Variants in STYXL1 observed in about 807,000 individuals in gnomAD.
STYXL1 encodes serine/threonine/tyrosine-interacting-like protein 1.
STYXL1 carries 32 observed loss-of-function variants against 36.4 expected under a neutral mutation model. That is an observed-to-expected ratio of 0.88 (90% CI 0.66 to 1.18). STYXL1 has a LOEUF of 1.18. Ranked by LOEUF, STYXL1 falls within the 50% of genes most tolerant of loss-of-function variation. The pLI is 0.00. For synonymous variants in STYXL1, 133 were observed against 144.1 expected, an observed-to-expected ratio of 0.92 and a Z score of 0.55; for missense variants, 354 against 394.1, an observed-to-expected ratio of 0.90 and a Z score of 0.86.
At chr7:76,012,056 T>C (rs1792623679) in intron 5 of STYXL1, among the ~76,000 whole-genome samples, 1 of 152,188 alleles carries the variant, frequency 6.6e-6, no homozygotes, top group Middle Eastern at 3.2e-3. Context: ...TCCCAGCACT[T>C]TGGGAGGCTG....
At chr7:76,004,311 C>T (rs1554569377) in intron 6 of STYXL1, among the ~76,000 whole-genome samples, 1 of 152,118 alleles carries the variant, frequency 6.6e-6, no homozygotes, top group Non-Finnish European at 1.5e-5. Flanking sequence ...CCAGGCTGGT[C>T]ATCAAACTCC....
intron 5 of STYXL1, among the ~76,000 whole-genome samples, chr7:76,012,578 G>T (rs1207098254): frequency 6.6e-6 from 1 of 152,094 alleles, no homozygotes; most frequent in African/African-American, 2.4e-5. Flanking sequence ...TGTATTTTTG[G>T]TAGTCAGGGT....
At chr7:76,043,147 G>C (rs1193151651) in intron 1 of STYXL1, among the ~76,000 whole-genome samples, 1 of 152,100 alleles carries the variant, frequency 6.6e-6, no homozygotes, top group East Asian at 1.9e-4. Context: ...TATTTTATTA[G>C]TATTGCTTTT....
intron 7 of STYXL1, among the ~76,000 whole-genome samples, chr7:76,002,549 C>T (rs957475107): frequency 6.6e-6 from 1 of 152,188 alleles, no homozygotes; most frequent in Non-Finnish European, 1.5e-5. Flanking sequence ...CCACAAGGCT[C>T]TGCCATCTCG....
At chr7:76,042,390 C>CTTTTTTGTTTTTTTT (rs1796555084) in intron 1 of STYXL1, among the ~76,000 whole-genome samples, 1 of 41,816 alleles carries the variant, frequency 2.4e-5, no homozygotes, top group Non-Finnish European at 5.3e-5. Flanking sequence ...CCCTTATGTG[C>CTTTTTTGTTTTTTTT]TTTTTTTTTT....
chr7:75,997,473 G>A (rs1183565140), intron 8 of STYXL1, among the ~76,000 whole-genome samples: 3 of 152,064 alleles, frequency 2.0e-5, no homozygotes, highest in Non-Finnish European at 2.9e-5. Flanking sequence ...ACCTGATAAA[G>A]GCCATATATG....
chr7:76,023,631 G>A (rs1397912309), intron 3 of STYXL1, among the ~76,000 whole-genome samples: 1 of 152,096 alleles, frequency 6.6e-6, no homozygotes, highest in African/African-American at 2.4e-5. Flanking sequence ...GGAGTCTGAG[G>A]TGAGAGGATC....
chr7:76,017,649 G>T (rs898632881), intron 4 of STYXL1, among the ~76,000 whole-genome samples: 1 of 151,584 alleles, frequency 6.6e-6, no homozygotes, highest in Non-Finnish European at 1.5e-5. Flanking sequence ...ACTTTGGGAG[G>T]CCAAGGCGGG....
intron 1 of STYXL1, among the ~76,000 whole-genome samples, chr7:76,034,303 C>G (rs1349312343): frequency 6.6e-6 from 1 of 152,080 alleles, no homozygotes; most frequent in Admixed American, 6.6e-5. Flanking sequence ...CACTATGTTG[C>G]CCAGGCTGGT....
intron 1 of STYXL1, chr7:76,044,154 G>A (rs1796737239): frequency 6.6e-6 from 1 of 152,142 alleles, no homozygotes. Flanking sequence ...CTGAGTGTGA[G>A]GCTTTTTATG....
At chr7:76,023,741 C>T (rs564779187) in intron 3 of STYXL1, among the ~76,000 whole-genome samples, 8 of 151,990 alleles carry the variant, frequency 5.3e-5, no homozygotes, top group African/African-American at 1.4e-4. Flanking sequence ...CAAGGCCGGG[C>T]GCGGAGGCTC....
intron 8 of STYXL1, chr7:76,000,521 C>T (rs925475305): frequency 3.9e-5 from 18 of 463,162 alleles, no homozygotes; most frequent in African/African-American, 1.6e-4. Flanking sequence ...CTGGACCCTG[C>T]GCCCAAGGTA....
intron 1 of STYXL1, among the ~76,000 whole-genome samples, chr7:76,046,746 G>A (rs983529878): frequency 6.7e-6 from 1 of 149,404 alleles, no homozygotes; most frequent in African/African-American, 2.5e-5. Flanking sequence ...CACCTCCCGG[G>A]TTCAAGCGAT....
intron 5 of STYXL1, among the ~76,000 whole-genome samples, chr7:76,009,512 T>C (rs1792283719): frequency 2.0e-5 from 3 of 152,176 alleles, no homozygotes; most frequent in Non-Finnish European, 2.9e-5. Context: ...CCGGGTTCAA[T>C]TGATTTTCCT....
chr7:76,034,118 T>C (rs950078867), intron 1 of STYXL1, among the ~76,000 whole-genome samples: 10 of 152,214 alleles, frequency 6.6e-5, no homozygotes, highest in African/African-American at 2.2e-4. Flanking sequence ...GCTGCCTTTT[T>C]TTGAGACAAG....
intron 4 of STYXL1, among the ~76,000 whole-genome samples, chr7:76,020,582 C>T (rs535370382): frequency 2.6e-5 from 4 of 152,160 alleles, no homozygotes; most frequent in Non-Finnish European, 5.9e-5. Context: ...GAATCCTGGC[C>T]CCACCACTTA....
chr7:75,999,540 T>TGA (rs376375229), intron 8 of STYXL1, among the ~76,000 whole-genome samples: 9 of 138,876 alleles, frequency 6.5e-5, no homozygotes, highest in South Asian at 2.3e-4. Flanking sequence ...TGTGTGTGTG[T>TGA]GTGTGTGTGT....
At chr7:76,016,764 G>C (rs1311602524) in intron 4 of STYXL1, among the ~76,000 whole-genome samples, 3 of 152,090 alleles carry the variant, frequency 2.0e-5, no homozygotes, top group African/African-American at 7.2e-5. Flanking sequence ...ATGGAGAAAA[G>C]GAACACTTAC....
rs1554569735 is a variant in STYXL1, at chr7:76,005,244, T to C, written c.599+15A>G. 3 of 1,366,530 alleles carry C rather than the reference T, an allele frequency of 2.2e-6. No homozygotes were observed. The highest frequency in any genetic ancestry group is 2.9e-5 in the African/African-American group (2 of 68,140). 84.7% of individuals were successfully genotyped at this position (1,366,530 alleles called of 1,614,324 possible). A position where few individuals can be genotyped will look rare whatever the true frequency, so the allele number is the denominator to read the frequency against. ...AATAAAATGAAATATAAATCAGTAG[T>C]TTCTCTTTACTTACAAGGGCCCTGT... On this transcript the variant is annotated intron_variant, in intron 6 of 8. Transcript: ENST00000359697.
Sources: allele counts gnomAD v4.1 joint callset (sites outside exome capture counted in the v4.1 genomes callset), GRCh38; gene constraint gnomAD v4.1.1; transcripts MANE v1.5; gene names NCBI Gene and HGNC (gene_info 2026-07-23, HGNC 2026-07-21).